The following BACH2 variants were observed in gnomAD, a reference collection of about 807,000 sequenced individuals.
BACH2 encodes the protein transcription regulator protein BACH2.
In BACH2, 5 loss-of-function variants were observed where a neutral mutation model predicts 61.8. The ratio of observed to expected loss-of-function variants is 0.08; its 90% CI spans 0.04 to 0.17. The LOEUF is 0.17. Ranked by LOEUF, BACH2 falls within the 10% of genes least tolerant of loss-of-function variation. The pLI, the probability that BACH2 is intolerant of heterozygous loss-of-function variation, is 1.00. For missense variants in BACH2, 824 were observed against 1,091.1 expected (o/e 0.76, Z 3.45); for synonymous variants, 446 against 440.1 (o/e 1.01, Z -0.17).
intron 4 of BACH2, among the ~76,000 whole-genome samples, chr6:90,118,855 T>A (rs766876177): frequency 3.9e-5 from 6 of 152,094 alleles, no homozygotes; most frequent in Non-Finnish European, 7.4e-5. Flanking sequence ...CAGACCTGGG[T>A]TTGGTTCTAA....
At chr6:90,215,408 C>T (rs1195124405) in intron 3 of BACH2, among the ~76,000 whole-genome samples, 1 of 152,140 alleles carries the variant, frequency 6.6e-6, no homozygotes, top group African/African-American at 2.4e-5. Flanking sequence ...GCCCCTAGAG[C>T]CTAGAGCCTA....
chr6:90,243,046 ATTTTTTTT>A (rs397886318), intron 3 of BACH2, among the ~76,000 whole-genome samples: 28 of 101,242 alleles, frequency 2.8e-4, no homozygotes, highest in African/African-American at 8.9e-4. Context: ...TGCCCGGCTA[ATTTTTTTT>A]TTTTTTTTTT....
At chr6:90,219,995 G>C (rs1328435134) in intron 3 of BACH2, among the ~76,000 whole-genome samples, 1 of 151,720 alleles carries the variant, frequency 6.6e-6, no homozygotes, top group Non-Finnish European at 1.5e-5. Flanking sequence ...AGCCCACATT[G>C]AAAGAGATGA....
chr6:90,270,123 C>T (rs1269190081), intron 2 of BACH2, among the ~76,000 whole-genome samples: 1 of 152,164 alleles, frequency 6.6e-6, no homozygotes, highest in African/African-American at 2.4e-5. Context: ...TCTTTATCCA[C>T]TCATTGGTTG....
Position 89,951,484 on chromosome 6 carries a change from G to A in BACH2, c.622C>T (p.Pro208Ser). Residue 208 changes from proline (P) to serine (S), a missense_variant, in exon 7 of 9, where the codon CCC (proline) becomes TCC (serine). Coordinates refer to ENST00000257749, the MANE Select transcript of BACH2 (RefSeq NM_021813.4). This position sits in a 1 kb window ranked among gnomAD's most constrained non-coding sequence, Gnocchi z 6.4. ...GTGTCTGTGGGCACGTCAGGCTCGG[G>A]CAGCAGGGCTTCTTCCTTCTCTGCT... ...PVAEKEEALL[P>S]EPDVPTDTKE... The A allele has an allele frequency of 1.2e-6, 2 of 1,614,246 alleles. No individual in the cohort carries two copies. The highest frequency in any genetic ancestry group is 1.7e-6 in the Non-Finnish European group (2 of 1,180,040).
At chr6:90,120,219 T>C (rs1304013570) in intron 4 of BACH2, among the ~76,000 whole-genome samples, 2 of 152,160 alleles carry the variant, frequency 1.3e-5, no homozygotes, top group Non-Finnish European at 2.9e-5. Flanking sequence ...GAAGTTTAAA[T>C]CAAACATCAT....
intron 3 of BACH2, among the ~76,000 whole-genome samples, chr6:90,212,907 G>A (rs920758936): frequency 6.6e-6 from 1 of 152,188 alleles, no homozygotes; most frequent in Admixed American, 6.5e-5. Context: ...CCCACTTCTG[G>A]CACACAGGCT....
In BACH2 at chr6:89,951,150, G is replaced by A. The variant is rs751426991; in HGVS notation, c.956C>T (p.Thr319Ile). Residue 319 changes from threonine to isoleucine, a missense_variant, in exon 7 of 9, where the codon ACC becomes ATC. Thr to Ile is a moderately conservative substitution (Grantham distance 89, BLOSUM62 -1). This residue lies in a region of BACH2 where 226 missense variants were observed against 228.5 expected (regional missense o/e 0.99). Transcript: ENST00000257749. The surrounding 1 kb of genome is among the most constrained non-coding windows in gnomAD (Gnocchi z 6.4). ...GGCGGCCCCAGCTGGGGCCGTGGGG[G>A]TAGGGGCAGGGCTGGGCTGTTTCCG... ...MDRKQPSPAP[T>I]PTAPAGAACL... The A allele has an allele frequency of 3.1e-6, 5 of 1,612,872 alleles. No homozygotes were observed. Among genetic ancestry groups the A allele is most frequent in the Middle Eastern group, 1.7e-4 (1 of 6,056 alleles).
At chr6:90,243,449 T>C (rs775482898) in intron 3 of BACH2, among the ~76,000 whole-genome samples, 4 of 152,218 alleles carry the variant, frequency 2.6e-5, no homozygotes, top group Non-Finnish European at 5.9e-5. Context: ...CACTTGGGAC[T>C]GTTAGGCTGG....
chr6:90,108,583 GCC>G (rs1783026924), intron 4 of BACH2, among the ~76,000 whole-genome samples: 1 of 82,134 alleles, frequency 1.2e-5, no homozygotes, highest in Non-Finnish European at 3.8e-5. Flanking sequence ...TTGGGAAACA[GCC>G]TGAGATCAGC....
intron 8 of BACH2, among the ~76,000 whole-genome samples, chr6:89,934,303 A>G (rs934764661): frequency 6.6e-6 from 1 of 152,186 alleles, no homozygotes; most frequent in Non-Finnish European, 1.5e-5. Flanking sequence ...GAAATTCACC[A>G]TCCCAATAGA....
chr6:90,012,275 A>G (rs1305349591), intron 5 of BACH2, among the ~76,000 whole-genome samples: 2 of 152,186 alleles, frequency 1.3e-5, no homozygotes, highest in Non-Finnish European at 2.9e-5. Context: ...AAGAACTGCC[A>G]TCTTAACAAT....
intron 1 of BACH2, among the ~76,000 whole-genome samples, chr6:90,291,277 G>C (rs908214031): frequency 6.6e-6 from 1 of 151,694 alleles, no homozygotes; most frequent in Non-Finnish European, 1.5e-5. Context: ...TTATTATTTT[G>C]GAAAAAAAAT....
chr6:90,101,593 A>T (rs1782630976), intron 4 of BACH2, among the ~76,000 whole-genome samples: 1 of 152,198 alleles, frequency 6.6e-6, no homozygotes, highest in South Asian at 2.1e-4. Context: ...GTTTTGAAAA[A>T]AGGAAGTGTG....
At chr6:89,974,571 T>C (rs1775548659) in intron 6 of BACH2, among the ~76,000 whole-genome samples, 1 of 152,232 alleles carries the variant, frequency 6.6e-6, no homozygotes, top group South Asian at 2.1e-4. Context: ...CATCATGCTG[T>C]GTTAGCAAGA....
chr6:90,100,504 G>A (rs1782567449), intron 4 of BACH2, among the ~76,000 whole-genome samples: 1 of 151,996 alleles, frequency 6.6e-6, no homozygotes, highest in African/African-American at 2.4e-5. Context: ...TAAGAAAAAA[G>A]GCTGACCTCT....
intron 4 of BACH2, among the ~76,000 whole-genome samples, chr6:90,156,333 T>C (rs1784996234): frequency 2.0e-5 from 3 of 152,210 alleles, no homozygotes; most frequent in African/African-American, 7.2e-5. Context: ...AAGAATTATA[T>C]TCTGAATCTT....
At chr6:90,136,742 A>G (rs185153252) in intron 4 of BACH2, among the ~76,000 whole-genome samples, 3 of 152,286 alleles carry the variant, frequency 2.0e-5, no homozygotes, top group Admixed American at 1.3e-4. Context: ...GGCAAAAATT[A>G]ATTCCACAGG....
At chr6:90,062,000 G>A (rs1780707535) in intron 5 of BACH2, among the ~76,000 whole-genome samples, 1 of 152,162 alleles carries the variant, frequency 6.6e-6, no homozygotes, top group Non-Finnish European at 1.5e-5. Flanking sequence ...AGGAGAATGT[G>A]ACACAAGAAG....
Sources: allele counts gnomAD v4.1 joint callset (sites outside exome capture counted in the v4.1 genomes callset), GRCh38; gene constraint gnomAD v4.1.1; regional missense constraint gnomAD v4.1.1; non-coding constraint Gnocchi (gnomAD v3.1); transcripts MANE v1.5; gene names NCBI Gene and HGNC (gene_info 2026-07-23, HGNC 2026-07-21).